Variants in PLEKHG3 observed in about 807,000 individuals in gnomAD.
PLEKHG3 encodes pleckstrin homology domain-containing family G member 3.
In PLEKHG3, 62 loss-of-function variants were observed where a neutral mutation model predicts 94.9. The ratio of observed to expected loss-of-function variants is 0.65; its 90% CI spans 0.53 to 0.81. The LOEUF is 0.81. Among genes scored for constraint, PLEKHG3 ranks in the 30% least tolerant of loss-of-function variants. PLEKHG3 has a pLI of 0.00. For missense variants in PLEKHG3, 1,461 were observed against 1,619.3 expected, an observed-to-expected ratio of 0.90 and a Z score of 1.68; for synonymous variants, 614 against 654.0, an observed-to-expected ratio of 0.94 and a Z score of 0.93.
At chr14:64,706,029 A>G (rs2080966395) in intron 1 of PLEKHG3, among the ~76,000 whole-genome samples, 1 of 152,172 alleles carries the variant, frequency 6.6e-6, no homozygotes, top group Admixed American at 6.5e-5. Flanking sequence ...AGTTGGGGGA[A>G]GAGGTACCCA....
Position 64,742,879 on chromosome 14 carries a change from C to A in PLEKHG3, c.2939-103C>A, listed in dbSNP as rs2081736209. On this transcript the variant is annotated intron_variant, in intron 16 of 16. Coordinates refer to ENST00000247226, the MANE Select transcript of PLEKHG3 (RefSeq NM_001308147.2). The stretch of plus-strand genomic sequence containing the variant: ...TCTCCCATCACACCCAAAACCCCAA[C>A]AACCAGCCTTGCCTGGAAAGTGAGT... The A allele has an allele frequency of 3.5e-6, 4 of 1,137,778 alleles. No homozygotes were observed. In the South Asian group the frequency reaches 5.4e-5, roughly 15 times the overall value. 70.5% of individuals were successfully genotyped at this position (1,137,778 alleles called of 1,614,324 possible).
rs1273597384 is a variant in PLEKHG3 at position 64,728,989 on chromosome 14, C to T, written c.352-7C>T. ...GGGCTAGGTTCTGACCACCTCCCTC[C>T]ACGCAGGACTACCTCTTGAAGATCA... On this transcript the variant is annotated splice_polypyrimidine_tract_variant and splice_region_variant and intron_variant, in intron 2 of 16. Coordinates refer to ENST00000247226, the MANE Select transcript of PLEKHG3 (RefSeq NM_001308147.2). The surrounding 1 kb of genome is among the most constrained non-coding windows in gnomAD (Gnocchi z 5.9). The T allele has an allele frequency of 3.0e-6, 4 of 1,346,898 alleles. No homozygotes were observed. The highest frequency in any genetic ancestry group is 2.5e-5 in the East Asian group (1 of 39,914). The allele number at this position is 1,346,898 out of a possible 1,614,324, so 83.4% of individuals were successfully genotyped here.
Position 64,721,879 on chromosome 14 carries a change from G to A in PLEKHG3, c.-39-5714G>A, listed in dbSNP as rs2081267538. Among the ~76,000 whole-genome samples the A allele has an allele frequency of 6.6e-6, 1 of 152,222 alleles. No individual in the cohort carries two copies. Among genetic ancestry groups the A allele is most frequent in the Admixed American group, 6.5e-5 (1 of 15,288 alleles). ...CAGTTTGGGAGCCGGGTGGCCCAGA[G>A]TGGTGCCGAGCTGTGGGTAAGAGCA... On this transcript the variant is annotated intron_variant, in intron 1 of 16. Coordinates refer to ENST00000247226, the MANE Select transcript of PLEKHG3 (RefSeq NM_001308147.2). The surrounding 1 kb of genome is among the most constrained non-coding windows in gnomAD (Gnocchi z 4.3).
chr14:64,729,775 G>A (rs1006061368), intron 3 of PLEKHG3, among the ~76,000 whole-genome samples: 2 of 152,180 alleles, frequency 1.3e-5, no homozygotes, highest in Non-Finnish European at 2.9e-5. Context: ...AATGGTGAGG[G>A]GTTGGGAAAA....
rs1594730114 is a variant in PLEKHG3, at chr14:64,749,179, C to T, written c.*5476C>T. Reference sequence around the variant, plus strand: ...GCAGCTTTTGCAGTGCAGCGTGGGGCCCGGGGGCCCGGCCCGCGACTCGAC... The same window carrying T: ...GCAGCTTTTGCAGTGCAGCGTGGGGTCCGGGGGCCCGGCCCGCGACTCGAC... On this transcript the variant is annotated 3_prime_UTR_variant, in exon 17 of 17. Coordinates refer to ENST00000247226, the MANE Select transcript of PLEKHG3 (RefSeq NM_001308147.2). This position sits in a 1 kb window ranked among gnomAD's most constrained non-coding sequence, Gnocchi z 4.7. 2.5e-6 allele frequency: 3 copies of T among 1,185,368 alleles called. 1 individual carries two copies. In the South Asian group the frequency reaches 4.2e-5, roughly 17 times the overall value. 73.4% of individuals were successfully genotyped at this position (1,185,368 alleles called of 1,614,324 possible). A position where few individuals can be genotyped will look rare whatever the true frequency, so the allele number is the denominator to read the frequency against.
At chr14:64,709,280 A>G (rs1566689350) in intron 1 of PLEKHG3, among the ~76,000 whole-genome samples, 1 of 152,126 alleles carries the variant, frequency 6.6e-6, no homozygotes, top group Admixed American at 6.5e-5. Flanking sequence ...CTTTTGTTCC[A>G]TGGGATTAGG....
At chr14:64,742,954 C>T in intron 16 of PLEKHG3, 28 bp from the exon 17 acceptor site, 4 of 1,612,382 alleles carry the variant, frequency 2.5e-6, no homozygotes, top group Non-Finnish European at 3.4e-6. Flanking sequence ...CCGCCCCATG[C>T]TTCAGGCAGC....
At chr14:64,737,994 G>T in intron 14 of PLEKHG3, 2 of 1,259,576 alleles carry the variant, frequency 1.6e-6, no homozygotes, top group South Asian at 1.3e-5. Flanking sequence ...GGAGGAGGAG[G>T]AGGAGGAGGA....
At position 64,727,458 on chromosome 14, in the gene PLEKHG3, T is replaced by G. The variant is rs1312455838; in HGVS notation, c.-39-135T>G. The G allele has an allele frequency of 1.7e-6, 1 of 583,194 alleles. No individual in the cohort carries two copies. Among genetic ancestry groups the G allele is most frequent in the Non-Finnish European group, 3.1e-6 (1 of 326,150 alleles). The allele number at this position is 583,194 out of a possible 1,614,324, so 36.1% of individuals were successfully genotyped here. A position where few individuals can be genotyped will look rare whatever the true frequency, so the allele number is the denominator to read the frequency against. On this transcript the variant is annotated intron_variant, in intron 1 of 16. Transcript: ENST00000247226. This position sits in a 1 kb window ranked among gnomAD's most constrained non-coding sequence, Gnocchi z 6.0. Reference sequence around the variant, plus strand: ...ACTGTCTATCCACAGAACCTTTTCATCTTCTAAAACTGAACTCTGGATGCA... The same window carrying G: ...ACTGTCTATCCACAGAACCTTTTCAGCTTCTAAAACTGAACTCTGGATGCA...
rs2081711895 is a variant in PLEKHG3, at chr14:64,742,152, C to T, written c.2635C>T (p.His879Tyr). ...SSPTEGRSPAHLARELKELVK... is the reference protein window; with the variant it reads ...SSPTEGRSPAYLARELKELVK... ...TCCCACTGAGGGGCGCAGCCCGGCC[C>T]ACCTGGCCCGGGAGCTGAAAGAGCT... Residue 879 changes from histidine (H) to tyrosine (Y), a missense_variant, in exon 16 of 17, where the codon CAC (histidine) becomes TAC (tyrosine). Physicochemically the swap from His to Tyr is moderately conservative, Grantham distance 83. Coordinates refer to ENST00000247226, the MANE Select transcript of PLEKHG3 (RefSeq NM_001308147.2). 3 of 1,612,088 alleles carry T rather than the reference C, an allele frequency of 1.9e-6. No individual in the cohort carries two copies. The highest frequency in any genetic ancestry group is 8.5e-7 in the Non-Finnish European group (1 of 1,179,978).
Position 64,731,543 on chromosome 14 carries a change from G to A in PLEKHG3, c.1032G>A (p.Pro344=), listed in dbSNP as rs1566706800. ...ACTTTGTCTACAAGGGCAACATCCCGGTAACCAGGCCCTGCCCCATCTCCT... is the reference window on the plus strand; with the variant it reads ...ACTTTGTCTACAAGGGCAACATCCCAGTAACCAGGCCCTGCCCCATCTCCT... ...GDHFVYKGNI[P]CSSLMLIEST... Residue 344 remains proline, a splice_region_variant and synonymous_variant, in exon 8 of 17, where the codon CCG becomes CCA. Transcript: ENST00000247226. The surrounding 1 kb of genome is among the most constrained non-coding windows in gnomAD (Gnocchi z 6.1). 3 of 1,613,396 alleles carry A rather than the reference G, an allele frequency of 1.9e-6. No homozygotes were observed. Among genetic ancestry groups the A allele is most frequent in the Non-Finnish European group, 2.5e-6 (3 of 1,179,654 alleles).
chr14:64,711,229 A>G (rs1363924424), intron 1 of PLEKHG3, among the ~76,000 whole-genome samples: 1 of 152,038 alleles, frequency 6.6e-6, no homozygotes, highest in African/African-American at 2.4e-5. Flanking sequence ...CACTGTTTTG[A>G]AACTCTGCAT....
intron 15 of PLEKHG3, among the ~76,000 whole-genome samples, chr14:64,740,194 C>T (rs1186354293): frequency 6.6e-6 from 1 of 152,164 alleles, no homozygotes; most frequent in Non-Finnish European, 1.5e-5. Flanking sequence ...GCTGGTGGCT[C>T]CCATGTTGAA....
In PLEKHG3 at chr14:64,741,989, C is replaced by T. The variant is rs771589978; in HGVS notation, c.2472C>T (p.Ser824=). 31 of 1,571,452 alleles carry T rather than the reference C, an allele frequency of 2.0e-5. No individual in the cohort carries two copies. The highest frequency in any genetic ancestry group is 1.1e-4 in the Admixed American group (6 of 54,104). ...IVKIWEGMES[S]GGSPGKGPGQ... ...AGATCTGGGAGGGAATGGAGTCTTC[C>T]GGAGGGAGCCCTGGGAAGGGGCCAG... The change falls in exon 16 of 17, where the codon TCC becomes TCT. Residue 824 remains serine, a synonymous_variant. Transcript: ENST00000247226.
Position 64,736,911 on chromosome 14 carries a change from A to G in PLEKHG3, c.1384+20A>G. 2.5e-6 allele frequency: 4 copies of G among 1,602,664 alleles called. No individual in the cohort carries two copies. Among genetic ancestry groups the G allele is most frequent in the Non-Finnish European group, 3.4e-6 (4 of 1,169,712 alleles). Reference sequence around the variant, plus strand: ...AGAAAGGTGAGTGTGTGAGGTGGCCAGCCATTCCCAGTGAGCGGGGGAGGA... The same window carrying G: ...AGAAAGGTGAGTGTGTGAGGTGGCCGGCCATTCCCAGTGAGCGGGGGAGGA... On this transcript the variant is annotated intron_variant, in intron 13 of 16. Coordinates refer to ENST00000247226, the MANE Select transcript of PLEKHG3 (RefSeq NM_001308147.2).
At position 64,731,318 on chromosome 14, in the gene PLEKHG3, C is replaced by T. The variant is rs1180173421; in HGVS notation, c.850-43C>T. Reference sequence around the variant, plus strand: ...GCAGGGTTTGCAGAGCCTCCTAAGGCCCCAGTGGCCTGACTCTAGGGATTG... The same window carrying T: ...GCAGGGTTTGCAGAGCCTCCTAAGGTCCCAGTGGCCTGACTCTAGGGATTG... On this transcript the variant is annotated intron_variant, in intron 7 of 16. Transcript: ENST00000247226. This position sits in a 1 kb window ranked among gnomAD's most constrained non-coding sequence, Gnocchi z 6.1. 1 of 1,546,650 alleles carries T rather than the reference C, an allele frequency of 6.5e-7. No homozygotes were observed.
intron 12 of PLEKHG3, among the ~76,000 whole-genome samples, chr14:64,735,034 C>T (rs2081544836): frequency 6.6e-6 from 1 of 152,134 alleles, no homozygotes; most frequent in Non-Finnish European, 1.5e-5. Context: ...CTGAAATAGA[C>T]ATCTTTCTAA....
chr14:64,731,941 G>T lies in PLEKHG3; in HGVS notation c.1125+135G>T. ...ATCTGTGAGGCAAGGATCATTGCAGGCACCTCTCAGGGTCAAAGTGAGGAG... is the reference window on the plus strand; with the variant it reads ...ATCTGTGAGGCAAGGATCATTGCAGTCACCTCTCAGGGTCAAAGTGAGGAG... On this transcript the variant is annotated intron_variant, in intron 9 of 16. Coordinates refer to ENST00000247226, the MANE Select transcript of PLEKHG3 (RefSeq NM_001308147.2). The surrounding 1 kb of genome is among the most constrained non-coding windows in gnomAD (Gnocchi z 6.1). 1 of 839,704 alleles carries T rather than the reference G, an allele frequency of 1.2e-6. No homozygotes were observed. The highest frequency in any genetic ancestry group is 2.0e-6 in the Non-Finnish European group (1 of 501,912). 52.0% of individuals were successfully genotyped at this position (839,704 alleles called of 1,614,324 possible).
chr14:64,738,252 TC>T lies in PLEKHG3; in HGVS notation c.1405-488del. On this transcript the variant is annotated intron_variant, in intron 14 of 16. Coordinates refer to ENST00000247226, the MANE Select transcript of PLEKHG3 (RefSeq NM_001308147.2). The surrounding 1 kb of genome is among the most constrained non-coding windows in gnomAD (Gnocchi z 4.8). ...GAGGTGTCTCTTCGATCTCCCCTCC[TC>T]CTTGCATGCTCCCTGGGATGTGCAT... 1 of 1,259,550 alleles carries T rather than the reference TC, an allele frequency of 7.9e-7. No individual in the cohort carries two copies. Among genetic ancestry groups the T allele is most frequent in the South Asian group, 1.2e-5 (1 of 80,140 alleles). 78.0% of individuals were successfully genotyped at this position (1,259,550 alleles called of 1,614,324 possible).
Sources: allele counts gnomAD v4.1 joint callset (sites outside exome capture counted in the v4.1 genomes callset), GRCh38; gene constraint gnomAD v4.1.1; non-coding constraint Gnocchi (gnomAD v3.1); transcripts MANE v1.5; gene names NCBI Gene and HGNC (gene_info 2026-07-23, HGNC 2026-07-21).